The following DDX46 variants were observed in gnomAD, a reference collection of about 807,000 sequenced individuals.
The protein encoded by DDX46 is probable ATP-dependent RNA helicase DDX46.
In DDX46, 30 loss-of-function variants were observed where a neutral mutation model predicts 134.9. That is an observed-to-expected ratio of 0.22 (90% confidence interval 0.17 to 0.30). The LOEUF (loss-of-function observed/expected upper bound fraction) is 0.30. Among genes scored for constraint, DDX46 ranks in the 10% least tolerant of loss-of-function variants. DDX46 has a pLI of 1.00. For synonymous variants in DDX46, 415 were observed against 404.1 expected (o/e 1.03, Z -0.32); for missense variants, 622 against 1,248.7 (o/e 0.50, Z 7.56).
intron 8 of DDX46, 38 bp downstream of exon 8, chr5:134,782,124 AC>A: frequency 6.5e-7 from 1 of 1,534,050 alleles, no homozygotes; most frequent in Non-Finnish European, 8.8e-7. Context: ...TTATAAGGGA[AC>A]AGAAGAGGAT....
chr5:134,797,446 A>G (rs889909634), intron 15 of DDX46, among the ~76,000 whole-genome samples: 18 of 152,200 alleles, frequency 1.2e-4, no homozygotes, highest in Non-Finnish European at 1.6e-4. Context: ...GCAAATTGGT[A>G]CTGGCTCTTG....
At chr5:134,786,130 T>C (rs1319283776) in intron 11 of DDX46, among the ~76,000 whole-genome samples, 1 of 152,164 alleles carries the variant, frequency 6.6e-6, no homozygotes, top group African/African-American at 2.4e-5. Context: ...ATTACAGGTG[T>C]GAGCCACCGT....
At chr5:134,773,011 G>C (rs1753821370) in intron 4 of DDX46, among the ~76,000 whole-genome samples, 1 of 151,944 alleles carries the variant, frequency 6.6e-6, no homozygotes, top group South Asian at 2.1e-4. Flanking sequence ...TGTTGGCCAG[G>C]GTGGTTTCCA....
intron 11 of DDX46, among the ~76,000 whole-genome samples, chr5:134,786,179 TA>T (rs1754327974): frequency 6.6e-6 from 1 of 152,000 alleles, no homozygotes; most frequent in African/African-American, 2.4e-5. Flanking sequence ...CAAAAGAAAA[TA>T]TTGGTAACTA....
At chr5:134,821,732 T>C (rs568305144) in intron 21 of DDX46, among the ~76,000 whole-genome samples, 1 of 151,306 alleles carries the variant, frequency 6.6e-6, no homozygotes, top group African/African-American at 2.4e-5. Flanking sequence ...ACTTTTTGTA[T>C]TTTTAGTAGA....
intron 9 of DDX46, among the ~76,000 whole-genome samples, chr5:134,783,571 C>T (rs1336354508): frequency 3.3e-4 from 1 of 2,998 alleles, no homozygotes; most frequent in African/African-American, 1.6e-3. Context: ...TTTTTTGAGA[C>T]GGAGTTTCAC....
intron 2 of DDX46, among the ~76,000 whole-genome samples, chr5:134,765,502 G>C (rs191120072): frequency 4.6e-5 from 7 of 151,882 alleles, no homozygotes; most frequent in Admixed American, 1.3e-4. Context: ...GTAGTGAGCC[G>C]ACATGGTGCC....
chr5:134,822,575 C>T (rs912150817), intron 21 of DDX46, among the ~76,000 whole-genome samples: 1 of 151,994 alleles, frequency 6.6e-6, no homozygotes, highest in African/African-American at 2.4e-5. Flanking sequence ...CCTGGCTTCT[C>T]TTGTACTCCC....
At chr5:134,765,290 A>T (rs1053225264) in intron 2 of DDX46, among the ~76,000 whole-genome samples, 6 of 151,298 alleles carry the variant, frequency 4.0e-5, no homozygotes, top group Non-Finnish European at 8.8e-5. Context: ...TCATGCCTGT[A>T]ATCCCAGCAC....
intron 14 of DDX46, among the ~76,000 whole-genome samples, 187 bp downstream of exon 14, chr5:134,795,201 C>CTTT (rs1301651132): frequency 1.4e-5 from 2 of 138,082 alleles, no homozygotes; most frequent in African/African-American, 6.0e-5. Flanking sequence ...ATTTAAAATG[C>CTTT]TTGTTTTTTT....
intron 13 of DDX46, among the ~76,000 whole-genome samples, chr5:134,792,607 A>G (rs1754536686): frequency 6.6e-6 from 1 of 152,228 alleles, no homozygotes; most frequent in Admixed American, 6.5e-5. Context: ...AGTGATTGAT[A>G]GGGACCTTCT....
chr5:134,779,344 C>T (rs1214984239), intron 6 of DDX46, among the ~76,000 whole-genome samples: 1 of 152,000 alleles, frequency 6.6e-6, no homozygotes, highest in Non-Finnish European at 1.5e-5. Flanking sequence ...CAGGCGCCCA[C>T]CACCATGCCT....
chr5:134,768,109 A>ATTT (rs34340470), intron 3 of DDX46, among the ~76,000 whole-genome samples: 1 of 141,840 alleles, frequency 7.1e-6, no homozygotes, highest in Non-Finnish European at 1.6e-5. Context: ...ATAAGTGAAG[A>ATTT]TTTTTTTTTT....
At position 134,828,652 on chromosome 5, in the gene DDX46, A is replaced by C. The variant is rs753221599; in HGVS notation, c.3052-7A>C. 1.4e-6 allele frequency: 2 copies of C among 1,476,482 alleles called. No individual in the cohort carries two copies. The highest frequency in any genetic ancestry group is 1.5e-5 in the African/African-American group (1 of 65,824). 91.5% of individuals were successfully genotyped at this position (1,476,482 alleles called of 1,614,324 possible). A position where few individuals can be genotyped will look rare whatever the true frequency, so the allele number is the denominator to read the frequency against. On this transcript the variant is annotated splice_polypyrimidine_tract_variant and splice_region_variant and intron_variant, in intron 22 of 22. Transcript: ENST00000452510. ...TCTGATGACATATCTTTTATTTCCT[A>C]TTACAGCAAAATTCATACCAACCAA... is the stretch of plus-strand genomic sequence containing the variant.
chr5:134,827,867 A>G (rs1362253884), intron 22 of DDX46, among the ~76,000 whole-genome samples: 1 of 152,188 alleles, frequency 6.6e-6, no homozygotes, highest in Non-Finnish European at 1.5e-5. Context: ...ATATATTAGC[A>G]TGATTTTTTC....
intron 4 of DDX46, 29 bp from the exon 5 acceptor site, chr5:134,773,667 C>G: frequency 6.5e-7 from 1 of 1,548,248 alleles, no homozygotes. Flanking sequence ...TATTTTCCCC[C>G]ATCTCTTTCT....
At chr5:134,805,785 G>A (rs552439116) in intron 15 of DDX46, among the ~76,000 whole-genome samples, 113 of 151,854 alleles carry the variant, frequency 7.4e-4, no homozygotes, top group African/African-American at 2.6e-3. Flanking sequence ...CTCCTGCCTC[G>A]GCCTCCGAAA....
chr5:134,792,116 G>A (rs144377363), intron 13 of DDX46, among the ~76,000 whole-genome samples: 3 of 152,272 alleles, frequency 2.0e-5, no homozygotes, highest in Admixed American at 6.5e-5. Context: ...GGCACAGGGT[G>A]TAGGGAGCCG....
chr5:134,790,840 T>C (rs1389528820), intron 13 of DDX46, among the ~76,000 whole-genome samples: 3 of 152,132 alleles, frequency 2.0e-5, no homozygotes, highest in African/African-American at 7.2e-5. Flanking sequence ...TTTTTTTTTT[T>C]CAGATGGAGT....
Sources: allele counts gnomAD v4.1 joint callset (sites outside exome capture counted in the v4.1 genomes callset), GRCh38; gene constraint gnomAD v4.1.1; transcripts MANE v1.5; gene names NCBI Gene and HGNC (gene_info 2026-07-23, HGNC 2026-07-21).